Variants in EHF observed in about 807,000 individuals in gnomAD.
The protein encoded by EHF is ESE3 transcription factor.
EHF carries 14 observed loss-of-function variants against 45.1 expected under a neutral mutation model. The ratio of observed to expected loss-of-function variants is 0.31; its 90% CI spans 0.21 to 0.49. EHF has a LOEUF of 0.49. EHF is among the 20% of genes least tolerant of loss of function. The pLI is 0.99. For missense variants in EHF, 282 were observed against 371.4 expected (o/e 0.76, Z 1.98); for synonymous variants, 136 against 131.8 (o/e 1.03, Z -0.22).
chr11:34,636,750 C>T (rs1180504972), intron 1 of EHF, among the ~76,000 whole-genome samples: 6 of 152,050 alleles, frequency 3.9e-5, no homozygotes, highest in Non-Finnish European at 8.8e-5. Flanking sequence ...TGTGGCACCA[C>T]GGCCGGGCCC....
chr11:34,657,057 C>G (rs1052383544), intron 7 of EHF, 87 bp downstream of exon 7: 1 of 1,466,872 alleles, frequency 6.8e-7, no homozygotes, highest in African/African-American at 1.4e-5. Context: ...GCAAATATCG[C>G]CTCTGTCTGC....
In EHF at chr11:34,656,571, C is replaced by T. The variant is rs114830521; in HGVS notation, c.545-337C>T. On this transcript the variant is annotated intron_variant, in intron 6 of 8. Coordinates refer to ENST00000257831, the MANE Select transcript of EHF (RefSeq NM_012153.6). ...ACACATCAACCTCAGGGCCTTTGCACTTCTATGTTACACATGGAAGGCTGT... is the reference window on the plus strand; with the variant it reads ...ACACATCAACCTCAGGGCCTTTGCATTTCTATGTTACACATGGAAGGCTGT... Among the ~76,000 whole-genome samples the T allele has an allele frequency of 6.5e-3, 648 of 99,608 alleles. 6 individuals carry two copies. The highest frequency in any genetic ancestry group is 0.02 in the African/African-American group (627 of 30,848). 65.3% of individuals were successfully genotyped at this position (99,608 alleles called of 152,430 possible).
intron 1 of EHF, chr11:34,632,609 G>A: frequency 2.0e-6 from 3 of 1,535,432 alleles, no homozygotes; most frequent in Non-Finnish European, 2.6e-6. Flanking sequence ...CCGGAGAGAA[G>A]AGGATTGGTC....
In EHF at chr11:34,660,792, CCA is replaced by C. The variant is rs1399936357; in HGVS notation, c.*1864_*1865del. 1 of 152,128 alleles carries C rather than the reference CCA, an allele frequency of 6.6e-6. No homozygotes were observed. Among genetic ancestry groups the C allele is most frequent in the Admixed American group, 6.6e-5 (1 of 15,262 alleles). 9.4% of individuals were successfully genotyped at this position (152,128 alleles called of 1,614,324 possible). On this transcript the variant is annotated 3_prime_UTR_variant, in exon 9 of 9. Coordinates refer to ENST00000257831, the MANE Select transcript of EHF (RefSeq NM_012153.6). ...TCTTCATCAACTAATAGAGCACCTA[CCA>C]CAGTGTCATACCTGGTAGAGGTGAG... is the stretch of plus-strand genomic sequence containing the variant.
intron 1 of EHF, among the ~76,000 whole-genome samples, chr11:34,641,850 T>C (rs1389633847): frequency 6.6e-6 from 1 of 152,058 alleles, no homozygotes; most frequent in Non-Finnish European, 1.5e-5. Flanking sequence ...AGAAATCTCT[T>C]CTCCCAAGTC....
chr11:34,624,399 C>A, intron 1 of EHF: 1 of 771,320 alleles, frequency 1.3e-6, no homozygotes, highest in Non-Finnish European at 1.6e-6. Context: ...TCTCTTAAAT[C>A]TCTTGCTCTA....
chr11:34,639,771 G>T (rs1424602681), intron 1 of EHF, among the ~76,000 whole-genome samples: 2 of 152,222 alleles, frequency 1.3e-5, no homozygotes, highest in African/African-American at 4.8e-5. Flanking sequence ...TCACCATGCT[G>T]GCTGCTTTCC....
At chr11:34,652,291 A>G (rs891971693) in intron 6 of EHF, among the ~76,000 whole-genome samples, 1 of 152,158 alleles carries the variant, frequency 6.6e-6, no homozygotes, top group African/African-American at 2.4e-5. Flanking sequence ...CAGTTACACT[A>G]TTTTGTCAGT....
At chr11:34,629,733 TG>T (rs2133998125) in intron 1 of EHF, among the ~76,000 whole-genome samples, 1 of 152,312 alleles carries the variant, frequency 6.6e-6, no homozygotes, top group East Asian at 1.9e-4. Context: ...AACATATTCA[TG>T]GTCTTTCTCT....
intron 6 of EHF, among the ~76,000 whole-genome samples, chr11:34,654,779 T>G (rs1281191939): frequency 6.6e-6 from 1 of 152,206 alleles, no homozygotes; most frequent in East Asian, 1.9e-4. Context: ...CAAAGGCACC[T>G]GAACTCTGAA....
Position 34,662,646 on chromosome 11 carries a change from GT to G in EHF, c.*3719del, listed in dbSNP as rs1303574554. Among the ~76,000 whole-genome samples, 1 of 152,054 alleles carries G rather than the reference GT, an allele frequency of 6.6e-6. No homozygotes were observed. Among genetic ancestry groups the G allele is most frequent in the Non-Finnish European group, 1.5e-5 (1 of 67,982 alleles). ...AGTTAGTAATGCATGTTAGATTTTA[GT>G]TTTGCAAGCATGTTGTTTTTCAAAT... On this transcript the variant is annotated 3_prime_UTR_variant, in exon 9 of 9. Coordinates refer to ENST00000257831, the MANE Select transcript of EHF (RefSeq NM_012153.6).
At chr11:34,633,829 G>A (rs1217727051) in intron 1 of EHF, among the ~76,000 whole-genome samples, 1 of 152,128 alleles carries the variant, frequency 6.6e-6, no homozygotes, top group Non-Finnish European at 1.5e-5. Flanking sequence ...GCCTGCCACT[G>A]TCAGTATGTG....
At chr11:34,646,291 G>T (rs1386458279) in intron 2 of EHF, 148 bp from the exon 3 acceptor site, 3 of 1,283,054 alleles carry the variant, frequency 2.3e-6, no homozygotes, top group Non-Finnish European at 3.2e-6. Context: ...ACATGAAAAT[G>T]CACTTCTGCT....
intron 1 of EHF, among the ~76,000 whole-genome samples, chr11:34,639,228 G>A (rs1853749209): frequency 7.0e-6 from 1 of 142,712 alleles, no homozygotes; most frequent in South Asian, 2.5e-4. Context: ...CACATTTGAT[G>A]GTATTTTTTT....
intron 1 of EHF, among the ~76,000 whole-genome samples, chr11:34,623,615 A>G (rs1852135408): frequency 6.6e-6 from 1 of 152,178 alleles, no homozygotes. Context: ...AAGGTTTACT[A>G]GGTTGCATTC....
chr11:34,637,594 C>T (rs1853568977), intron 1 of EHF, among the ~76,000 whole-genome samples: 1 of 152,240 alleles, frequency 6.6e-6, no homozygotes, highest in African/African-American at 2.4e-5. Context: ...TTGTAGGGGA[C>T]TTGCTGCCTA....
intron 5 of EHF, 44 bp downstream of exon 5, chr11:34,651,654 AG>A: frequency 7.5e-6 from 12 of 1,608,716 alleles, no homozygotes; most frequent in Non-Finnish European, 1.0e-5. Context: ...ATTCTTATTC[AG>A]TTTGTCTAAG....
chr11:34,646,374 C>T, intron 2 of EHF, 65 bp from the exon 3 acceptor site: 5 of 1,601,214 alleles, frequency 3.1e-6, no homozygotes, highest in Non-Finnish European at 4.3e-6. Context: ...CAGTACATCC[C>T]TGTGTCAGAT....
chr11:34,656,817 C>A, intron 6 of EHF, 91 bp from the exon 7 acceptor site: 1 of 1,421,130 alleles, frequency 7.0e-7, no homozygotes, highest in South Asian at 1.3e-5. Flanking sequence ...AGTAGGTGCT[C>A]AGTAAATATT....
Sources: allele counts gnomAD v4.1 joint callset (sites outside exome capture counted in the v4.1 genomes callset), GRCh38; gene constraint gnomAD v4.1.1; transcripts MANE v1.5; gene names NCBI Gene and HGNC (gene_info 2026-07-23, HGNC 2026-07-21).